Variants in CUBN observed in about 807,000 individuals in gnomAD.
CUBN encodes 460 kDa receptor.
Under a neutral mutation model 405.3 loss-of-function variants are expected in CUBN, and 282 were observed. The observed-to-expected ratio is 0.70, with a 90% confidence interval of 0.63 to 0.77. The LOEUF is 0.77. Among genes scored for constraint, CUBN ranks in the 30% least tolerant of loss-of-function variants. The pLI is 0.00. For missense variants in CUBN, 4,514 were observed against 4,475.2 expected (o/e 1.01, Z -0.25); for synonymous variants, 1,684 against 1,617.0 (o/e 1.04, Z -0.99).
At chr10:17,091,033 C>T (rs182803126) in intron 14 of CUBN, among the ~76,000 whole-genome samples, 1 of 152,228 alleles carries the variant, frequency 6.6e-6, no homozygotes, top group Admixed American at 6.5e-5. Context: ...CCATTTCCCA[C>T]AGAAAAAGTC....
chr10:17,085,948 G>A (rs918140828), intron 15 of CUBN, among the ~76,000 whole-genome samples, 189 bp from the exon 16 acceptor site: 3 of 150,588 alleles, frequency 2.0e-5, no homozygotes, highest in Non-Finnish European at 2.9e-5. Context: ...TCACCCCAAT[G>A]CCTTCTCTCT....
rs1052610665 is a variant in CUBN, at chr10:16,997,663, CA to C, written c.4169-7149del. 3.9e-5 allele frequency among the ~76,000 whole-genome samples: 6 copies of C among 152,238 alleles called. No individual in the cohort carries two copies. The South Asian group carries it at 1.2e-3, about 32-fold the overall frequency. ...AAAACGTAATTACAAGGATTTTGAA[CA>C]GAAACTTTCAGGTCAGGGAGGGTGG... On this transcript the variant is annotated intron_variant, in intron 28 of 66. Transcript: ENST00000377833.
chr10:16,895,126 C>A lies in CUBN; in HGVS notation c.8598+3870G>T, dbSNP rs183943697. Among the ~76,000 whole-genome samples the A allele has an allele frequency of 5.3e-5, 8 of 152,286 alleles. No individual in the cohort carries two copies. The East Asian group carries it at 1.5e-3, about 29-fold the overall frequency. ...CAACAATTGGCAGCTCAGTTCTCTC[C>A]AGCTCAGCTCAGTGCTTAATAAGAT... On this transcript the variant is annotated intron_variant, in intron 54 of 66. Transcript: ENST00000377833.
At chr10:16,871,525 C>T (rs17335739) in intron 58 of CUBN, among the ~76,000 whole-genome samples, 2,248 of 151,716 alleles carry the variant, frequency 0.015, 26 homozygotes, top group Middle Eastern at 0.044. Context: ...TGAAGGTTTT[C>T]AGACTGATGA....
chr10:17,008,748 A>G (rs1402928836), intron 28 of CUBN, among the ~76,000 whole-genome samples: 13 of 151,642 alleles, frequency 8.6e-5, no homozygotes, highest in African/African-American at 2.9e-4. Context: ...GCTTGGCACT[A>G]CTCATGGTTT....
intron 8 of CUBN, among the ~76,000 whole-genome samples, chr10:17,111,470 G>A (rs568020977): frequency 6.6e-6 from 1 of 152,040 alleles, no homozygotes; most frequent in African/African-American, 2.4e-5. Flanking sequence ...CTGTTTAATA[G>A]GGAAAAAACC....
At chr10:16,850,113 C>T (rs1002621367) in intron 60 of CUBN, among the ~76,000 whole-genome samples, 22 of 152,122 alleles carry the variant, frequency 1.4e-4, no homozygotes, top group African/African-American at 3.9e-4. Context: ...GTAAGTTTTC[C>T]CTCGCTCTAT....
chr10:16,836,735 T>C (rs1301883667), intron 62 of CUBN, among the ~76,000 whole-genome samples: 1 of 152,204 alleles, frequency 6.6e-6, no homozygotes, highest in African/African-American at 2.4e-5. Context: ...CTGGGGCTTT[T>C]GCCATTGTCC....
In CUBN at chr10:16,913,860, T is replaced by C; in HGVS notation, c.7484A>G (p.Asn2495Ser). The C allele has an allele frequency of 6.2e-7, 1 of 1,614,066 alleles. No homozygotes were observed. Among genetic ancestry groups the C allele is most frequent in the Non-Finnish European group, 8.5e-7 (1 of 1,180,018 alleles). The change falls in exon 48 of 67, where the codon AAC (asparagine) becomes AGC (serine). Residue 2495 changes from asparagine to serine, a missense_variant. Physicochemically the swap from Asn to Ser is conservative, Grantham distance 46. Transcript: ENST00000377833. The stretch of plus-strand genomic sequence containing the variant: ...CGGATGCGTGGCCAGCCTCAGGTTG[T>C]TAAACATTAGGGTGATCCGCCTTCC... ...PEGRRITLMF[N>S]NLRLATHPSC...
intron 28 of CUBN, among the ~76,000 whole-genome samples, chr10:16,998,579 T>C (rs1833798044): frequency 6.6e-6 from 1 of 152,224 alleles, no homozygotes; most frequent in Admixed American, 6.5e-5. Context: ...ACAGTAGCCC[T>C]AAGAAGCTAA....
intron 51 of CUBN, among the ~76,000 whole-genome samples, chr10:16,902,991 G>A (rs1841439791): frequency 6.6e-6 from 1 of 152,208 alleles, no homozygotes; most frequent in African/African-American, 2.4e-5. Context: ...GCAGTCAAGA[G>A]TAGGGCTGGG....
At chr10:17,104,635 A>G (rs202046789) in intron 11 of CUBN, 30 bp from the exon 12 acceptor site, 45 of 1,563,962 alleles carry the variant, frequency 2.9e-5, no homozygotes, top group African/African-American at 2.9e-4. Flanking sequence ...ATAATACCAT[A>G]AAACAAATGG....
chr10:16,930,794 G>C (rs1299938021), intron 40 of CUBN, among the ~76,000 whole-genome samples: 1 of 152,130 alleles, frequency 6.6e-6, no homozygotes, highest in South Asian at 2.1e-4. Flanking sequence ...GCCTCCATAC[G>C]GCCAAAGGCC....
chr10:16,985,394 C>T lies in CUBN; in HGVS notation c.4351-1115G>A, dbSNP rs537635414. 1.2e-4 allele frequency among the ~76,000 whole-genome samples: 18 copies of T among 152,334 alleles called. No homozygotes were observed. In the South Asian group the frequency reaches 3.5e-3, roughly 30 times the overall value. ...AACTCTATGGGGAAGATCATCTTCA[C>T]ACTCCATCCCCTTTCCAGTTCCCCA... On this transcript the variant is annotated intron_variant, in intron 29 of 66. Coordinates refer to ENST00000377833, the MANE Select transcript of CUBN (RefSeq NM_001081.4).
chr10:16,980,895 GAA>G (rs5783529), intron 31 of CUBN, among the ~76,000 whole-genome samples: 3 of 142,462 alleles, frequency 2.1e-5, no homozygotes, highest in East Asian at 2.0e-4. Flanking sequence ...AAAACAGAAA[GAA>G]AAAAAAAACC....
chr10:16,898,941 A>C, intron 54 of CUBN, 55 bp downstream of exon 54: 1 of 1,254,980 alleles, frequency 8.0e-7, no homozygotes, highest in Non-Finnish European at 1.2e-6. Flanking sequence ...TCTAGCTTAA[A>C]CACTAATGTT....
chr10:16,873,008 A>T (rs1840403930), intron 58 of CUBN, among the ~76,000 whole-genome samples: 1 of 152,180 alleles, frequency 6.6e-6, no homozygotes, highest in East Asian at 1.9e-4. Context: ...TCTCTTGTTC[A>T]CTTGGAGAGC....
At chr10:16,842,033 T>C (rs1328256937) in intron 60 of CUBN, among the ~76,000 whole-genome samples, 3 of 149,480 alleles carry the variant, frequency 2.0e-5, no homozygotes, top group Non-Finnish European at 4.5e-5. Context: ...CCTTCTTCTA[T>C]ATACTACATA....
chr10:17,068,581 A>T, intron 20 of CUBN, 24 bp downstream of exon 20: 1 of 1,591,236 alleles, frequency 6.3e-7, no homozygotes, highest in Non-Finnish European at 8.6e-7. Context: ...AGAGGAGGAA[A>T]AAAAAAAGGG....
Sources: gnomAD v4.1 joint callset for allele counts (sites outside exome capture counted in the v4.1 genomes callset) on GRCh38, gnomAD v4.1.1 for gene constraint, MANE v1.5 for transcripts, NCBI Gene and HGNC (gene_info 2026-07-23, HGNC 2026-07-21) for gene names.